The following DNMBP variants were observed in gnomAD, a reference collection of about 807,000 sequenced individuals.
DNMBP encodes dynamin binding protein.
Under a neutral mutation model 150.0 loss-of-function variants are expected in DNMBP, and 87 were observed. That is an observed-to-expected ratio of 0.58 (90% CI 0.49 to 0.69). The LOEUF is 0.69. Ranked by LOEUF, DNMBP falls within the 30% of genes least tolerant of loss-of-function variation. The pLI is 0.00. For synonymous variants in DNMBP, 711 were observed against 750.4 expected (o/e 0.95, Z 0.86); for missense variants, 1,774 against 1,949.0 (o/e 0.91, Z 1.69).
chr10:99,952,052 G>A (rs1388536107), intron 4 of DNMBP, among the ~76,000 whole-genome samples: 2 of 152,012 alleles, frequency 1.3e-5, no homozygotes, highest in Non-Finnish European at 2.9e-5. Context: ...TCGTGAGAGT[G>A]AGTAAGTCTC....
intron 3 of DNMBP, among the ~76,000 whole-genome samples, chr10:99,964,864 C>G (rs1232908721): frequency 7.4e-6 from 1 of 135,712 alleles, no homozygotes; most frequent in African/African-American, 3.1e-5. Flanking sequence ...GTGTGAGACT[C>G]CAGCCCAAGG....
intron 14 of DNMBP, among the ~76,000 whole-genome samples, chr10:99,885,093 C>G (rs959282430): frequency 6.6e-6 from 1 of 152,172 alleles, no homozygotes; most frequent in Admixed American, 6.5e-5. Flanking sequence ...CAACCATTAA[C>G]TGTTTAGCTG....
chr10:100,005,786 C>CAAAAAAAAAAAA lies in DNMBP; in HGVS notation c.-11+4051_-11+4052insTTTTTTTTTTTT, dbSNP rs1589458237. 4.2e-3 allele frequency among the ~76,000 whole-genome samples: 423 copies of CAAAAAAAAAAAA among 100,838 alleles called. 9 individuals carry two copies. The highest frequency in any genetic ancestry group is 0.01 in the South Asian group (32 of 3,156). The allele number at this position is 100,838 out of a possible 152,430, so 66.2% of individuals were successfully genotyped here. ...CTCCAAAAAAAAAAAAAAAAAAAACCAAACTACATAAAGGAAAATGAATTA... is the reference window on the plus strand; with the variant it reads ...CTCCAAAAAAAAAAAAAAAAAAAACCAAAAAAAAAAAAAAACTACATAAAGGAAAATGAATTA... On this transcript the variant is annotated intron_variant, in intron 1 of 16. Coordinates refer to ENST00000324109, the MANE Select transcript of DNMBP (RefSeq NM_015221.4).
intron 16 of DNMBP, among the ~76,000 whole-genome samples, chr10:99,877,845 G>A (rs892377659): frequency 3.3e-4 from 50 of 152,208 alleles, no homozygotes; most frequent in African/African-American, 1.1e-3. Flanking sequence ...GACCCTGGGC[G>A]ACAGAGTGAG....
chr10:100,003,617 G>A (rs558786918), intron 1 of DNMBP, among the ~76,000 whole-genome samples: 1 of 152,270 alleles, frequency 6.6e-6, no homozygotes, highest in African/African-American at 2.4e-5. Context: ...ACACTTTGAG[G>A]TGGGAAGACC....
intron 4 of DNMBP, among the ~76,000 whole-genome samples, chr10:99,949,272 G>C (rs1296314217): frequency 7.9e-5 from 12 of 152,124 alleles, no homozygotes; most frequent in Non-Finnish European, 4.4e-5. Flanking sequence ...ATCATACCAG[G>C]TGTGTGGGAA....
In DNMBP at chr10:99,955,943, T is replaced by C. The variant is rs772230379; in HGVS notation, c.1531A>G (p.Thr511Ala). Residue 511 changes from threonine (T) to alanine (A), a missense_variant, in exon 4 of 17, where the codon ACG becomes GCG. Physicochemically the swap from Thr to Ala is moderately conservative, Grantham distance 58 (BLOSUM62 0). Around this residue, in one of 2 missense-constraint regions of DNMBP, gnomAD observed 1,430 missense variants for 1,492.5 expected, o/e 0.96. Transcript: ENST00000324109. ...NLASYTKKHH[T>A]SSVYSISERL... is the part of the protein sequence containing the mutation. ...TCTGAGATGGAGTAAACACTGGACG[T>C]GTGGTGCTTTTTAGTATAACTTGCT... is the stretch of plus-strand genomic sequence containing the variant. 6 of 1,614,004 alleles carry C rather than the reference T, an allele frequency of 3.7e-6. No homozygotes were observed. The East Asian group carries it at 1.3e-4, about 36-fold the overall frequency.
intron 3 of DNMBP, 60 bp from the exon 4 acceptor site, chr10:99,957,265 G>C (rs886686728): frequency 2.8e-6 from 4 of 1,418,650 alleles, no homozygotes; most frequent in East Asian, 4.8e-5. Context: ...ACATTATCAC[G>C]ACTAATAGTG....
At position 99,971,598 on chromosome 10, in the gene DNMBP, T is replaced by A. The variant is rs557812673; in HGVS notation, c.145+382A>T. 3.9e-5 allele frequency among the ~76,000 whole-genome samples: 6 copies of A among 152,316 alleles called. No homozygotes were observed. In the South Asian group the frequency reaches 1.0e-3, roughly 26 times the overall value. On this transcript the variant is annotated intron_variant, in intron 2 of 16. Coordinates refer to ENST00000324109, the MANE Select transcript of DNMBP (RefSeq NM_015221.4). ...ATGCAATGGCACAATCTCAACTCAC[T>A]GCAATCTTCACCTCCTGGGTTCAAG...
chr10:99,924,103 G>T (rs1375082167), intron 4 of DNMBP, among the ~76,000 whole-genome samples: 7 of 152,120 alleles, frequency 4.6e-5, no homozygotes, highest in Admixed American at 2.6e-4. Context: ...GCAGTGAGCT[G>T]AGATTGTGCC....
At chr10:99,987,907 A>C (rs2133373462) in intron 1 of DNMBP, among the ~76,000 whole-genome samples, 1 of 152,318 alleles carries the variant, frequency 6.6e-6, no homozygotes, top group South Asian at 2.1e-4. Flanking sequence ...ACAATTAGCA[A>C]ATGCATATGA....
At chr10:99,997,373 A>G (rs1029923627) in intron 1 of DNMBP, among the ~76,000 whole-genome samples, 3 of 152,176 alleles carry the variant, frequency 2.0e-5, no homozygotes, top group African/African-American at 7.2e-5. Context: ...CCTGCTGTTG[A>G]TAATGTCATT....
intron 4 of DNMBP, among the ~76,000 whole-genome samples, chr10:99,918,938 G>C (rs530467429): frequency 6.6e-6 from 1 of 152,072 alleles, no homozygotes; most frequent in South Asian, 2.1e-4. Context: ...TAAAATAATC[G>C]ACACAGCAAA....
intron 8 of DNMBP, 131 bp from the exon 9 acceptor site, chr10:99,898,416 T>C: frequency 1.3e-6 from 1 of 766,804 alleles, no homozygotes; most frequent in Non-Finnish European, 2.2e-6. Flanking sequence ...TGGGCAGGAT[T>C]TGTTCCTAAA....
At chr10:100,005,764 CAAAAAAAA>C (rs760685767) in intron 1 of DNMBP, among the ~76,000 whole-genome samples, 1 of 37,978 alleles carries the variant, frequency 2.6e-5, no homozygotes, top group African/African-American at 1.0e-4. Flanking sequence ...CAAAAGTCTC[CAAAAAAAA>C]AAAAAAAAAA....
intron 4 of DNMBP, among the ~76,000 whole-genome samples, chr10:99,935,713 C>T (rs2040222355): frequency 6.6e-6 from 1 of 152,138 alleles, no homozygotes. Flanking sequence ...TATAGGCATA[C>T]ACCCTGCCGC....
rs530002660 is a variant in DNMBP, at chr10:100,008,226, C to T, written c.-11+1612G>A. 2.0e-5 allele frequency among the ~76,000 whole-genome samples: 3 copies of T among 152,286 alleles called. No individual in the cohort carries two copies. In the South Asian group the frequency reaches 6.2e-4, roughly 32 times the overall value. Reference sequence around the variant, plus strand: ...TTGAGGGAAATGCCCTGCCTTGGGGCTGCAAGACAAATAAATAACTGGTGC... The same window carrying T: ...TTGAGGGAAATGCCCTGCCTTGGGGTTGCAAGACAAATAAATAACTGGTGC... On this transcript the variant is annotated intron_variant, in intron 1 of 16. Coordinates refer to ENST00000324109, the MANE Select transcript of DNMBP (RefSeq NM_015221.4).
At chr10:99,891,165 CCCCT>C (rs2039550812) in intron 11 of DNMBP, among the ~76,000 whole-genome samples, 1 of 148,686 alleles carries the variant, frequency 6.7e-6, no homozygotes, top group African/African-American at 2.5e-5. Flanking sequence ...TCTCCCTCTC[CCCCT>C]CTCCCTCCCC....
intron 12 of DNMBP, 78 bp from the exon 13 acceptor site, chr10:99,886,710 G>T: frequency 1.4e-6 from 2 of 1,398,994 alleles, no homozygotes; most frequent in South Asian, 2.6e-5. Flanking sequence ...TCTTAAGGCT[G>T]ACTTTGTTGT....
Sources: allele counts gnomAD v4.1 joint callset (sites outside exome capture counted in the v4.1 genomes callset), GRCh38; gene constraint gnomAD v4.1.1; regional missense constraint gnomAD v4.1.1; transcripts MANE v1.5; gene names NCBI Gene and HGNC (gene_info 2026-07-23, HGNC 2026-07-21).